MAGI2: variants seen among roughly 807,000 people sequenced by gnomAD.
MAGI2 encodes the protein membrane associated guanylate kinase, WW and PDZ domain containing 2.
A neutral mutation model predicts 133.3 loss-of-function variants in MAGI2; 35 were observed. The ratio of observed to expected loss-of-function variants is 0.26; its 90% confidence interval spans 0.20 to 0.35. The LOEUF is 0.35. MAGI2 is among the 10% of genes least tolerant of loss of function. The pLI is 1.00. For synonymous variants in MAGI2, 729 were observed against 710.6 expected (o/e 1.03, Z -0.41); for missense variants, 1,636 against 1,863.4 (o/e 0.88, Z 2.25).
At chr7:78,033,787 C>T (rs1485976885) in intron 21 of MAGI2, among the ~76,000 whole-genome samples, 2 of 151,962 alleles carry the variant, frequency 1.3e-5, no homozygotes, top group South Asian at 2.1e-4. Flanking sequence ...GCTCAGTGGG[C>T]TGCTGTGGGA....
At chr7:78,456,006 A>G (rs1397814961) in intron 6 of MAGI2, among the ~76,000 whole-genome samples, 1 of 151,930 alleles carries the variant, frequency 6.6e-6, no homozygotes, top group Non-Finnish European at 1.5e-5. Flanking sequence ...TCTCAGGGCC[A>G]TCTTTGTCAA....
intron 2 of MAGI2, among the ~76,000 whole-genome samples, chr7:78,719,480 T>C (rs1184601611): frequency 6.6e-6 from 1 of 152,238 alleles, no homozygotes; most frequent in Admixed American, 6.5e-5. Context: ...TTGTCATCAG[T>C]ATGTCTACTG....
chr7:79,052,205 G>A (rs963259677), intron 1 of MAGI2, among the ~76,000 whole-genome samples: 7 of 152,192 alleles, frequency 4.6e-5, no homozygotes, highest in African/African-American at 1.7e-4. Context: ...CTCAGCAGGG[G>A]GAGGAAAAAC....
At chr7:78,789,640 C>T (rs1223605921) in intron 2 of MAGI2, among the ~76,000 whole-genome samples, 1 of 152,070 alleles carries the variant, frequency 6.6e-6, no homozygotes, top group African/African-American at 2.4e-5. Flanking sequence ...GTAATAATGA[C>T]ATCAAGGTAA....
At chr7:78,372,794 T>G (rs1239288996) in intron 6 of MAGI2, among the ~76,000 whole-genome samples, 2 of 152,188 alleles carry the variant, frequency 1.3e-5, no homozygotes, top group South Asian at 4.1e-4. Context: ...GCATGCTATA[T>G]TTTTTAAATT....
intron 1 of MAGI2, among the ~76,000 whole-genome samples, chr7:79,153,940 A>G (rs984656580): frequency 6.6e-6 from 1 of 152,224 alleles, no homozygotes; most frequent in African/African-American, 2.4e-5. Flanking sequence ...AAAGGAAGAA[A>G]TATAAAAGAG....
chr7:78,652,853 C>G (rs762111969), intron 2 of MAGI2, among the ~76,000 whole-genome samples: 5 of 151,876 alleles, frequency 3.3e-5, no homozygotes, highest in Non-Finnish European at 7.4e-5. Context: ...AGGCAACCTA[C>G]AGAATGGGAG....
At chr7:78,050,499 T>G (rs1811894232) in intron 21 of MAGI2, among the ~76,000 whole-genome samples, 1 of 152,238 alleles carries the variant, frequency 6.6e-6, no homozygotes, top group Non-Finnish European at 1.5e-5. Flanking sequence ...TAAACATGCC[T>G]GGGACGTCTG....
intron 1 of MAGI2, among the ~76,000 whole-genome samples, chr7:79,380,845 T>C (rs1021103267): frequency 6.6e-6 from 1 of 151,786 alleles, no homozygotes; most frequent in Admixed American, 6.6e-5. Flanking sequence ...AAAGTAATTA[T>C]TTGTATGCCA....
chr7:78,197,959 C>G (rs1828882439), intron 11 of MAGI2: 1 of 152,608 alleles, frequency 6.6e-6, no homozygotes, highest in South Asian at 2.1e-4. Flanking sequence ...TGACTCTTCC[C>G]TCCTTCCTTA....
chr7:79,447,863 AC>A (rs984398072), intron 1 of MAGI2, among the ~76,000 whole-genome samples: 4 of 151,898 alleles, frequency 2.6e-5, no homozygotes, highest in Non-Finnish European at 4.4e-5. Flanking sequence ...TCTTTATTAT[AC>A]ATTGTTGACT....
rs536463888 is a variant in MAGI2, at chr7:79,061,319, T to C, written c.302-54113A>G. On this transcript the variant is annotated intron_variant, in intron 1 of 21. Coordinates refer to ENST00000354212, the MANE Select transcript of MAGI2 (RefSeq NM_012301.4). Reference sequence around the variant, plus strand: ...TAGAAAAAAAAAAAGCCTTTTTTTTTCTCGGGCCTTTCATTATATGACACT... The same window carrying C: ...TAGAAAAAAAAAAAGCCTTTTTTTTCCTCGGGCCTTTCATTATATGACACT... Among the ~76,000 whole-genome samples the C allele has an allele frequency of 7.9e-5, 12 of 152,106 alleles. No homozygotes were observed. In the East Asian group the frequency reaches 1.7e-3, roughly 22 times the overall value.
intron 1 of MAGI2, among the ~76,000 whole-genome samples, chr7:79,268,823 C>T (rs1381452009): frequency 6.6e-6 from 1 of 152,112 alleles, no homozygotes; most frequent in African/African-American, 2.4e-5. Context: ...CACAGGGGGT[C>T]GCTGTGCTGG....
intron 2 of MAGI2, among the ~76,000 whole-genome samples, chr7:78,913,699 A>G (rs1409115679): frequency 6.6e-6 from 1 of 152,126 alleles, no homozygotes; most frequent in Non-Finnish European, 1.5e-5. Context: ...ACTTGCTGTT[A>G]TGTTCCATGG....
chr7:78,421,552 G>A (rs965814013), intron 6 of MAGI2, among the ~76,000 whole-genome samples: 6 of 152,174 alleles, frequency 3.9e-5, no homozygotes, highest in Non-Finnish European at 5.9e-5. Context: ...GCTGGCTCAC[G>A]CCTATAATCC....
intron 20 of MAGI2, among the ~76,000 whole-genome samples, chr7:78,107,204 T>C (rs892528999): frequency 1.3e-5 from 2 of 152,200 alleles, no homozygotes; most frequent in African/African-American, 4.8e-5. Flanking sequence ...TTCTGTTCCT[T>C]TGGTCTATGT....
chr7:79,074,302 A>G (rs922043986), intron 1 of MAGI2, among the ~76,000 whole-genome samples: 3 of 152,210 alleles, frequency 2.0e-5, no homozygotes, highest in Non-Finnish European at 2.9e-5. Context: ...AATATTTTAT[A>G]ATAAACATAA....
At chr7:78,519,483 G>A (rs1220463395) in intron 4 of MAGI2, among the ~76,000 whole-genome samples, 1 of 152,116 alleles carries the variant, frequency 6.6e-6, no homozygotes, top group African/African-American at 2.4e-5. Context: ...TGAAAACCTA[G>A]AGTTGGCTAA....
chr7:78,034,603 C>T (rs2428926), intron 21 of MAGI2, among the ~76,000 whole-genome samples: 3,133 of 152,206 alleles, frequency 0.021, 113 homozygotes, highest in African/African-American at 0.071. Context: ...TCTTGCCTCA[C>T]TGCAACCTCT....
Sources: gnomAD v4.1 joint callset for allele counts (sites outside exome capture counted in the v4.1 genomes callset) on GRCh38, gnomAD v4.1.1 for gene constraint, MANE v1.5 for transcripts, NCBI Gene and HGNC (gene_info 2026-07-23, HGNC 2026-07-21) for gene names.